The following SRSF6 variants were observed in gnomAD, a reference collection of about 807,000 sequenced individuals.
The protein encoded by SRSF6 is serine/arginine-rich splicing factor 6.
SRSF6 carries 17 observed loss-of-function variants against 42.0 expected under a neutral mutation model. The observed-to-expected ratio is 0.40, with a 90% CI of 0.28 to 0.61. The LOEUF is 0.61. Among genes scored for constraint, SRSF6 ranks in the 20% least tolerant of loss-of-function variants. The probability of loss-of-function intolerance (pLI) is 0.37; values close to 1 mark genes in which losing one functional copy is unlikely to be tolerated. For synonymous variants in SRSF6, 204 were observed against 166.7 expected, an observed-to-expected ratio of 1.22 and a Z score of -1.72; for missense variants, 379 against 471.4, an observed-to-expected ratio of 0.80 and a Z score of 1.81.
rs57110045 is a variant in SRSF6 at position 43,461,337 on chromosome 20, G to GTTTTTTTTTTTTTTTTTTTTT, written c.*291_*311dup. 7.3e-4 allele frequency: 32 copies of GTTTTTTTTTTTTTTTTTTTTT among 43,766 alleles called. 6 individuals carry two copies. The highest frequency in any genetic ancestry group is 2.2e-3 in the African/African-American group (27 of 12,190). The allele number at this position is 43,766 out of a possible 1,614,324, so 2.7% of individuals were successfully genotyped here. On this transcript the variant is annotated 3_prime_UTR_variant, in exon 6 of 6. Transcript: ENST00000244020. ...GTAAAGATTAAGCTCATTTAGTGTT[G>GTTTTTTTTTTTTTTTTTTTTT]TTTTTTTTTTTTTTTTTTTTTTTTT...
rs2017603697 is a variant in SRSF6 at position 43,461,713 on chromosome 20, AT to A, written c.*653del. On this transcript the variant is annotated 3_prime_UTR_variant, in exon 6 of 6. Transcript: ENST00000244020. ...AACATTATTTTGTGCAGTTAATCAA[AT>A]TTGCCAAAGTCTTTATCTGCCCCTT... is the stretch of plus-strand genomic sequence containing the variant. 1.3e-5 allele frequency: 2 copies of A among 152,646 alleles called. No homozygotes were observed. The highest frequency in any genetic ancestry group is 4.8e-5 in the African/African-American group (2 of 41,456). The allele number at this position is 152,646 out of a possible 1,614,324, so 9.5% of individuals were successfully genotyped here.
chr20:43,463,516 T>C lies in SRSF6; in HGVS notation c.*2453T>C, dbSNP rs1299664801. ...GTTTGAGTCCTGCCTACTTTGACTTTTACGTTCCCATTCCTGTGTTACCAC... is the reference window on the plus strand; with the variant it reads ...GTTTGAGTCCTGCCTACTTTGACTTCTACGTTCCCATTCCTGTGTTACCAC... On this transcript the variant is annotated 3_prime_UTR_variant, in exon 6 of 6. Transcript: ENST00000244020. 3 of 152,950 alleles carry C rather than the reference T, an allele frequency of 2.0e-5. No homozygotes were observed. The highest frequency in any genetic ancestry group is 4.4e-5 in the Non-Finnish European group (3 of 68,218). 9.5% of individuals were successfully genotyped at this position (152,950 alleles called of 1,614,324 possible). A position where few individuals can be genotyped will look rare whatever the true frequency, so the allele number is the denominator to read the frequency against.
At position 43,463,538 on chromosome 20, in the gene SRSF6, C is replaced by A. The variant is rs540414816; in HGVS notation, c.*2475C>A. On this transcript the variant is annotated 3_prime_UTR_variant, in exon 6 of 6. Transcript: ENST00000244020. ...CTTTTACGTTCCCATTCCTGTGTTACCACCTTCCTCCCGATTTGTTCACCT... is the reference window on the plus strand; with the variant it reads ...CTTTTACGTTCCCATTCCTGTGTTAACACCTTCCTCCCGATTTGTTCACCT... The A allele has an allele frequency of 7.8e-5, 12 of 152,962 alleles. No homozygotes were observed. Among genetic ancestry groups the A allele is most frequent in the African/African-American group, 2.6e-4 (11 of 41,588 alleles). 9.5% of individuals were successfully genotyped at this position (152,962 alleles called of 1,614,324 possible).
chr20:43,460,505 C>G lies in SRSF6; in HGVS notation c.591-10C>G. The stretch of plus-strand genomic sequence containing the variant: ...TTGGGATTAAGACTTCATTGTTTTT[C>G]TCCTAATAGGTCTCGATCTAGAAGA... On this transcript the variant is annotated splice_polypyrimidine_tract_variant and intron_variant, in intron 4 of 5. Coordinates refer to ENST00000244020, the MANE Select transcript of SRSF6 (RefSeq NM_006275.6). The G allele has an allele frequency of 6.2e-7, 1 of 1,611,818 alleles. No individual in the cohort carries two copies.
Position 43,464,121 on chromosome 20 carries a change from A to G in SRSF6, c.*3058A>G, listed in dbSNP as rs1289700307. On this transcript the variant is annotated 3_prime_UTR_variant, in exon 6 of 6. Coordinates refer to ENST00000244020, the MANE Select transcript of SRSF6 (RefSeq NM_006275.6). Reference sequence around the variant, plus strand: ...TGGCTGGCTGGTTACTGTTGAATGAATGTATGATAAATTTTTTTTCAGAAC... The same window carrying G: ...TGGCTGGCTGGTTACTGTTGAATGAGTGTATGATAAATTTTTTTTCAGAAC... The G allele has an allele frequency of 6.6e-6, 1 of 152,204 alleles. No homozygotes were observed. The highest frequency in any genetic ancestry group is 1.5e-5 in the Non-Finnish European group (1 of 68,036). 9.4% of individuals were successfully genotyped at this position (152,204 alleles called of 1,614,324 possible).
chr20:43,460,350 T>C, intron 4 of SRSF6, 109 bp downstream of exon 4: 1 of 1,388,322 alleles, frequency 7.2e-7, no homozygotes, highest in Non-Finnish European at 1.0e-6. Flanking sequence ...GCTTTTAGTT[T>C]GTTTTGGCTG....
intron 2 of SRSF6, 70 bp downstream of exon 2, chr20:43,458,579 C>T: frequency 1.4e-6 from 2 of 1,391,922 alleles, no homozygotes; most frequent in East Asian, 3.0e-5. Flanking sequence ...GGTGGGGCCT[C>T]CCAGCCCGGG....
At chr20:43,459,031 A>G (rs766566889) in intron 2 of SRSF6, 21 of 811,718 alleles carry the variant, frequency 2.6e-5, no homozygotes, top group Non-Finnish European at 3.3e-5. Context: ...ATTTGAACTA[A>G]TTGGGGCATG....
chr20:43,463,821 G>C lies in SRSF6; in HGVS notation c.*2758G>C, dbSNP rs1258710800. 6.6e-6 allele frequency: 1 copy of C among 152,146 alleles called. No homozygotes were observed. The highest frequency in any genetic ancestry group is 1.5e-5 in the Non-Finnish European group (1 of 68,030). The allele number at this position is 152,146 out of a possible 1,614,324, so 9.4% of individuals were successfully genotyped here. A position where few individuals can be genotyped will look rare whatever the true frequency, so the allele number is the denominator to read the frequency against. ...TGCTTCAGTGTCATCCATGAAACTA[G>C]GGATAAAACATGCATGGGATGTGAA... On this transcript the variant is annotated 3_prime_UTR_variant, in exon 6 of 6. Coordinates refer to ENST00000244020, the MANE Select transcript of SRSF6 (RefSeq NM_006275.6).
chr20:43,461,090 TATG>T lies in SRSF6; in HGVS notation c.*28_*30del. The T allele has an allele frequency of 6.5e-7, 1 of 1,527,084 alleles. No homozygotes were observed. Among genetic ancestry groups the T allele is most frequent in the Non-Finnish European group, 8.8e-7 (1 of 1,139,642 alleles). 94.6% of individuals were successfully genotyped at this position (1,527,084 alleles called of 1,614,324 possible). On this transcript the variant is annotated 3_prime_UTR_variant, in exon 6 of 6. Coordinates refer to ENST00000244020, the MANE Select transcript of SRSF6 (RefSeq NM_006275.6). ...TCAGAACTCCTTGTTTGCACATTATTATGGAACACTTTCCTACTTAGGCAGTTA... is the reference window on the plus strand; with the variant it reads ...TCAGAACTCCTTGTTTGCACATTATTGAACACTTTCCTACTTAGGCAGTTA...
rs142111292 is a variant in SRSF6 at position 43,464,107 on chromosome 20, T to G, written c.*3044T>G. 6.6e-6 allele frequency: 1 copy of G among 152,224 alleles called. No homozygotes were observed. The allele number at this position is 152,224 out of a possible 1,614,324, so 9.4% of individuals were successfully genotyped here. On this transcript the variant is annotated 3_prime_UTR_variant, in exon 6 of 6. Transcript: ENST00000244020. ...AGATCGGCTTTAAATGGCTGGCTGG[T>G]TACTGTTGAATGAATGTATGATAAA...
chr20:43,459,945 A>T, intron 3 of SRSF6, 50 bp downstream of exon 3: 1 of 1,601,124 alleles, frequency 6.2e-7, no homozygotes, highest in Non-Finnish European at 8.5e-7. Flanking sequence ...GCTTTAAAGT[A>T]AACTCCTTTT....
rs1419862619 is a variant in SRSF6 at position 43,461,979 on chromosome 20, CTT to C, written c.*920_*921del. On this transcript the variant is annotated 3_prime_UTR_variant, in exon 6 of 6. Transcript: ENST00000244020. The stretch of plus-strand genomic sequence containing the variant: ...TGTCATGTGGAAATGGAAGTAGCCT[CTT>C]TTTGTTCTGAAATTGAGTTTATTCA... 1.3e-5 allele frequency: 2 copies of C among 152,276 alleles called. No individual in the cohort carries two copies. Among genetic ancestry groups the C allele is most frequent in the East Asian group, 1.9e-4 (1 of 5,178 alleles). The allele number at this position is 152,276 out of a possible 1,614,324, so 9.4% of individuals were successfully genotyped here. A position where few individuals can be genotyped will look rare whatever the true frequency, so the allele number is the denominator to read the frequency against.
At position 43,461,148 on chromosome 20, in the gene SRSF6, G is replaced by T; in HGVS notation, c.*85G>T. ...TCCATGTTTATACTTGGCCTCTTCTGCAAGAGGAATCTCTTGAAAACAGGG... is the reference window on the plus strand; with the variant it reads ...TCCATGTTTATACTTGGCCTCTTCTTCAAGAGGAATCTCTTGAAAACAGGG... On this transcript the variant is annotated 3_prime_UTR_variant, in exon 6 of 6. Coordinates refer to ENST00000244020, the MANE Select transcript of SRSF6 (RefSeq NM_006275.6). The T allele has an allele frequency of 6.9e-7, 1 of 1,451,110 alleles. No homozygotes were observed. Among genetic ancestry groups the T allele is most frequent in the Non-Finnish European group, 9.1e-7 (1 of 1,103,996 alleles). The allele number at this position is 1,451,110 out of a possible 1,614,324, so 89.9% of individuals were successfully genotyped here. A position where few individuals can be genotyped will look rare whatever the true frequency, so the allele number is the denominator to read the frequency against.
chr20:43,462,270 T>C lies in SRSF6; in HGVS notation c.*1207T>C, dbSNP rs528385665. 9.2e-5 allele frequency: 14 copies of C among 152,334 alleles called. No individual in the cohort carries two copies. In the East Asian group the frequency reaches 2.1e-3, roughly 23 times the overall value. 9.4% of individuals were successfully genotyped at this position (152,334 alleles called of 1,614,324 possible). A position where few individuals can be genotyped will look rare whatever the true frequency, so the allele number is the denominator to read the frequency against. ...TGTAATGAGTACTGTGGAAACCAAA[T>C]TTGAATACTGCAAATTTGTAGGAGT... On this transcript the variant is annotated 3_prime_UTR_variant, in exon 6 of 6. Transcript: ENST00000244020.
rs57110045 is a variant in SRSF6, at chr20:43,461,337, GTTTTTTTTTTTTTTTTTTT to G, written c.*293_*311del. ...GTAAAGATTAAGCTCATTTAGTGTT[GTTTTTTTTTTTTTTTTTTT>G]TTTTTTTTTTTTTTTTTTAGTATTT... On this transcript the variant is annotated 3_prime_UTR_variant, in exon 6 of 6. Coordinates refer to ENST00000244020, the MANE Select transcript of SRSF6 (RefSeq NM_006275.6). The G allele has an allele frequency of 1.6e-3, 70 of 43,850 alleles. 3 individuals are homozygous for G. Among genetic ancestry groups the G allele is most frequent in the Middle Eastern group, 0.026 (2 of 78 alleles). The allele number at this position is 43,850 out of a possible 1,614,324, so 2.7% of individuals were successfully genotyped here.
At chr20:43,459,931 T>C in intron 3 of SRSF6, 36 bp downstream of exon 3, 1 of 1,601,896 alleles carries the variant, frequency 6.2e-7, no homozygotes, top group Non-Finnish European at 8.5e-7. Flanking sequence ...ATGATATGAC[T>C]AATGCTTTAA....
rs2017629364 is a variant in SRSF6 at position 43,462,987 on chromosome 20, A to T, written c.*1924A>T. The T allele has an allele frequency of 6.5e-6, 1 of 152,696 alleles. No homozygotes were observed. The highest frequency in any genetic ancestry group is 2.4e-5 in the African/African-American group (1 of 41,472). The allele number at this position is 152,696 out of a possible 1,614,324, so 9.5% of individuals were successfully genotyped here. The stretch of plus-strand genomic sequence containing the variant: ...AAAGTTCTCTTGTTTTCAGGGAAAG[A>T]ACATAAAAGCTTTTTGAACTACAGC... On this transcript the variant is annotated 3_prime_UTR_variant, in exon 6 of 6. Coordinates refer to ENST00000244020, the MANE Select transcript of SRSF6 (RefSeq NM_006275.6).
chr20:43,458,957 A>G lies in SRSF6; in HGVS notation c.256+448A>G, dbSNP rs569394563. The stretch of plus-strand genomic sequence containing the variant: ...TATGGAACTTGATGGGGGCCAAAGA[A>G]TGTACTATTTTTAAGTAATGTGGTA... On this transcript the variant is annotated intron_variant, in intron 2 of 5. Coordinates refer to ENST00000244020, the MANE Select transcript of SRSF6 (RefSeq NM_006275.6). Among the ~76,000 whole-genome samples the G allele has an allele frequency of 1.1e-4, 16 of 152,236 alleles. No individual in the cohort carries two copies. The South Asian group carries it at 1.5e-3, about 14-fold the overall frequency.
Sources: gnomAD v4.1 joint callset for allele counts (sites outside exome capture counted in the v4.1 genomes callset) on GRCh38, gnomAD v4.1.1 for gene constraint, MANE v1.5 for transcripts, NCBI Gene and HGNC (gene_info 2026-07-23, HGNC 2026-07-21) for gene names.